Variants in PCDHA6 observed in about 807,000 individuals in gnomAD.
PCDHA6 encodes protocadherin alpha-6.
In PCDHA6, 55 loss-of-function variants were observed where a neutral mutation model predicts 60.3. The ratio of observed to expected loss-of-function variants is 0.91; its 90% confidence interval spans 0.73 to 1.14. The LOEUF (loss-of-function observed/expected upper bound fraction) is 1.14, where lower values mean the gene tolerates loss of function less well. Ranked by LOEUF, PCDHA6 falls within the 50% of genes most tolerant of loss-of-function variation. PCDHA6 has a pLI of 0.00. For missense variants in PCDHA6, 1,327 were observed against 1,256.5 expected, an observed-to-expected ratio of 1.06 and a Z score of -0.85; for synonymous variants, 652 against 557.9, an observed-to-expected ratio of 1.17 and a Z score of -2.38.
At chr5:140,901,643 G>A (rs1011127972) in intron 1 of PCDHA6, among the ~76,000 whole-genome samples, 7 of 151,908 alleles carry the variant, frequency 4.6e-5, no homozygotes, top group Non-Finnish European at 8.8e-5. Context: ...TGATTCTTCC[G>A]GTTTTGTTCT....
chr5:141,003,057 TCCA>T (rs2098109750), intron 3 of PCDHA6, among the ~76,000 whole-genome samples: 1 of 152,194 alleles, frequency 6.6e-6, no homozygotes, highest in African/African-American at 2.4e-5. Context: ...ACAGAACAGT[TCCA>T]AATGCAGATG....
At chr5:141,004,362 C>T (rs1357216048) in intron 3 of PCDHA6, among the ~76,000 whole-genome samples, 1 of 152,186 alleles carries the variant, frequency 6.6e-6, no homozygotes, top group Non-Finnish European at 1.5e-5. Flanking sequence ...AGAGACCACA[C>T]CTTGTTCTGC....
chr5:140,858,071 C>T (rs782061637), intron 1 of PCDHA6: 1 of 1,597,680 alleles, frequency 6.3e-7, no homozygotes, highest in Admixed American at 1.7e-5. Flanking sequence ...CAGCCAGGCA[C>T]CCAAGGCCTC....
intron 1 of PCDHA6, chr5:140,875,175 T>G (rs1301346750): frequency 5.0e-6 from 2 of 399,086 alleles, no homozygotes; most frequent in African/African-American, 4.1e-5. Context: ...GTCGAAACAT[T>G]AGAATTAAGA....
At chr5:140,966,860 T>TTGC (rs148181752) in intron 1 of PCDHA6, 11 of 1,577,372 alleles carry the variant, frequency 7.0e-6, no homozygotes, top group Non-Finnish European at 9.4e-6. Flanking sequence ...CCTGCTGCTG[T>TTGC]TGCTGCTGCT....
chr5:140,828,155 G>A lies in PCDHA6; in HGVS notation c.64G>A (p.Ala22Thr). ...QCLLLPLLLLAAWKVGSGQLH... is the reference protein window; with the variant it reads ...QCLLLPLLLLTAWKVGSGQLH... ...TCTGCTCCTCCCGCTTCTGCTCCTC[G>A]CAGCCTGGAAGGTGGGGAGCGGCCA... The change falls in exon 1 of 4, where the codon GCA becomes ACA. Residue 22 changes from alanine to threonine, a missense_variant. Ala to Thr is a moderately conservative substitution (Grantham distance 58). Transcript: ENST00000529310. The A allele has an allele frequency of 6.2e-7, 1 of 1,614,122 alleles. No individual in the cohort carries two copies. Among genetic ancestry groups the A allele is most frequent in the Non-Finnish European group, 8.5e-7 (1 of 1,179,986 alleles).
rs781985413 is a variant in PCDHA6 at position 140,857,290 on chromosome 5, C to T, written c.2394+26805C>T. On this transcript the variant is annotated intron_variant, in intron 1 of 3. Coordinates refer to ENST00000529310, the MANE Select transcript of PCDHA6 (RefSeq NM_018909.4). ...TGGTGCTGGACAGCGCTCTGGACCG[C>T]GAGAGGGTGTCGGCCTATGAGCTGG... 16 of 1,598,706 alleles carry T rather than the reference C, an allele frequency of 1.0e-5. 2 individuals carry two copies. Among genetic ancestry groups the T allele is most frequent in the Non-Finnish European group, 1.4e-5 (16 of 1,168,040 alleles).
intron 1 of PCDHA6, chr5:140,848,634 C>A (rs1364235763): frequency 1.1e-5 from 17 of 1,593,322 alleles, no homozygotes; most frequent in Non-Finnish European, 1.5e-5. Context: ...CTTCGTGGGC[C>A]GCATCGCGCA....
intron 1 of PCDHA6, among the ~76,000 whole-genome samples, chr5:140,963,905 G>A (rs1326633249): frequency 6.6e-6 from 1 of 152,182 alleles, no homozygotes; most frequent in African/African-American, 2.4e-5. Flanking sequence ...TGAGTAAAGT[G>A]AAGCTTAGGC....
intron 1 of PCDHA6, chr5:140,869,991 A>G (rs1554163685): frequency 1.9e-6 from 3 of 1,613,542 alleles, no homozygotes; most frequent in Non-Finnish European, 2.5e-6. Flanking sequence ...CACTAGATCA[A>G]AATAATGGAG....
intron 3 of PCDHA6, among the ~76,000 whole-genome samples, chr5:141,002,059 G>T (rs983772482): frequency 6.6e-6 from 1 of 152,242 alleles, no homozygotes; most frequent in East Asian, 1.9e-4. Flanking sequence ...AGAGGCAGCA[G>T]CAGCCGCCAG....
rs369919324 is a variant in PCDHA6 at position 140,857,387 on chromosome 5, G to T, written c.2394+26902G>T. 3.0e-5 allele frequency: 48 copies of T among 1,598,472 alleles called. 4 individuals carry two copies. The highest frequency in any genetic ancestry group is 3.3e-5 in the Non-Finnish European group (38 of 1,167,956). ...CAGCGTGTCTGTGGAGGTGGCCGAC[G>T]TGAACGACAACGCGCCTGCGTTCGC... is the stretch of plus-strand genomic sequence containing the variant. On this transcript the variant is annotated intron_variant, in intron 1 of 3. Transcript: ENST00000529310.
chr5:140,882,676 C>T (rs1458440894), intron 1 of PCDHA6: 18 of 1,614,060 alleles, frequency 1.1e-5, no homozygotes, highest in Admixed American at 3.3e-5. Context: ...TCCCTGAAAG[C>T]AAGAAACGAA....
rs2042755048 is a variant in PCDHA6 at position 140,853,453 on chromosome 5, C to A, written c.2394+22968C>A. ...CTTTCCTATTTTGCCTAATAGGTCTCCTTATATGCATCTGTAGTTAACATT... is the reference window on the plus strand; with the variant it reads ...CTTTCCTATTTTGCCTAATAGGTCTACTTATATGCATCTGTAGTTAACATT... On this transcript the variant is annotated intron_variant, in intron 1 of 3. Coordinates refer to ENST00000529310, the MANE Select transcript of PCDHA6 (RefSeq NM_018909.4). 4 of 976,644 alleles carry A rather than the reference C, an allele frequency of 4.1e-6. 1 individual carries two copies. The Admixed American group carries it at 2.5e-4, about 62-fold the overall frequency. 60.5% of individuals were successfully genotyped at this position (976,644 alleles called of 1,614,324 possible). A position where few individuals can be genotyped will look rare whatever the true frequency, so the allele number is the denominator to read the frequency against.
Position 140,829,489 on chromosome 5 carries a change from G to A in PCDHA6, c.1398G>A (p.Glu466=), listed in dbSNP as rs2150168747. 1 of 1,613,588 alleles carries A rather than the reference G, an allele frequency of 6.2e-7. No individual in the cohort carries two copies. Among genetic ancestry groups the A allele is most frequent in the African/African-American group, 1.3e-5 (1 of 74,944 alleles). Residue 466 remains glutamate, a synonymous_variant, in exon 1 of 4, where the codon GAG becomes GAA. Transcript: ENST00000529310. The part of the protein sequence containing the change: ...AQPEYTVFVK[E]NNPPGCHIFT... ...CCGAGTACACAGTGTTCGTGAAGGAGAACAACCCGCCGGGCTGCCACATCT... is the reference window on the plus strand; with the variant it reads ...CCGAGTACACAGTGTTCGTGAAGGAAAACAACCCGCCGGGCTGCCACATCT...
chr5:140,843,593 G>T, intron 1 of PCDHA6: 2 of 1,596,072 alleles, frequency 1.3e-6, no homozygotes, highest in Non-Finnish European at 1.7e-6. Flanking sequence ...GCCGCAGAGG[G>T]TGTGCTCTGG....
In PCDHA6 at chr5:140,828,675, TA is replaced by T; in HGVS notation, c.585del (p.Leu195PhefsTer2). 6.2e-7 allele frequency: 1 copy of T among 1,614,212 alleles called. No homozygotes were observed. The highest frequency in any genetic ancestry group is 8.5e-7 in the Non-Finnish European group (1 of 1,180,036). On this transcript the variant is annotated frameshift_variant, in exon 1 of 4. Coordinates refer to ENST00000529310, the MANE Select transcript of PCDHA6 (RefSeq NM_018909.4). LOFTEE classifies it high-confidence loss of function. ...NSDDNKQIGLLLKKSLDREEA... is the reference protein window; with the variant it reads ...NSDDNKQIGLXLKKSLDREEA... The stretch of plus-strand genomic sequence containing the variant: ...GATGACAATAAACAAATTGGGCTCT[TA>T]TTAAAGAAATCCTTGGACAGAGAGG...
In PCDHA6 at chr5:140,841,333, C is replaced by G; in HGVS notation, c.2394+10848C>G. The G allele has an allele frequency of 1.9e-6, 3 of 1,605,502 alleles. 1 individual carries two copies. Among genetic ancestry groups the G allele is most frequent in the Non-Finnish European group, 2.6e-6 (3 of 1,175,392 alleles). ...AACGACTATTTAACATGGATTATCA[C>G]TGGCGAGGAGAGCTGGGATCCTGGC... is the stretch of plus-strand genomic sequence containing the variant. On this transcript the variant is annotated intron_variant, in intron 1 of 3. Transcript: ENST00000529310.
chr5:140,913,117 GT>G (rs1393810466), intron 1 of PCDHA6, among the ~76,000 whole-genome samples: 23 of 152,262 alleles, frequency 1.5e-4, no homozygotes, highest in Admixed American at 5.2e-4. Flanking sequence ...CAGTTTGGAA[GT>G]TAACCCCTCC....
Sources: allele counts gnomAD v4.1 joint callset (sites outside exome capture counted in the v4.1 genomes callset), GRCh38; gene constraint gnomAD v4.1.1; transcripts MANE v1.5; gene names NCBI Gene and HGNC (gene_info 2026-07-23, HGNC 2026-07-21).